Variants in LINGO2 observed in about 807,000 individuals in gnomAD.
The protein encoded by LINGO2 is leucine-rich repeat and immunoglobulin-like domain-containing nogo receptor-interacting protein 2.
A neutral mutation model predicts 30.6 loss-of-function variants in LINGO2; 14 were observed. That is an observed-to-expected ratio of 0.46 (90% CI 0.30 to 0.72). The LOEUF (loss-of-function observed/expected upper bound fraction) is 0.72, where lower values mean the gene tolerates loss of function less well. Among genes scored for constraint, LINGO2 ranks in the 30% least tolerant of loss-of-function variants. LINGO2 has a pLI of 0.07. For synonymous variants in LINGO2, 317 were observed against 288.5 expected, an observed-to-expected ratio of 1.10 and a Z score of -1.00; for missense variants, 729 against 751.7, an observed-to-expected ratio of 0.97 and a Z score of 0.35.
chr9:29,138,930 A>G, the LINGO2 span, among the ~76,000 whole-genome samples: 1 of 152,212 alleles, frequency 6.6e-6, no homozygotes, highest in Non-Finnish European at 1.5e-5. Context: ...TGGAAAGGAC[A>G]TGGTGACTTG....
chr9:28,087,133 G>A (rs1476012274), intron 4 of LINGO2, among the ~76,000 whole-genome samples: 2 of 152,048 alleles, frequency 1.3e-5, no homozygotes, highest in African/African-American at 2.4e-5. Context: ...CATGTAAGCT[G>A]AGGCCATCCC....
At chr9:29,062,035 C>T in the LINGO2 span, among the ~76,000 whole-genome samples, 1 of 151,982 alleles carries the variant, frequency 6.6e-6, no homozygotes, top group Non-Finnish European at 1.5e-5. Flanking sequence ...TTCTTCAAAA[C>T]AGATACGCAA....
intron 4 of LINGO2, among the ~76,000 whole-genome samples, chr9:28,218,291 T>TA (rs1820839276): frequency 6.6e-6 from 1 of 151,342 alleles, no homozygotes; most frequent in African/African-American, 2.4e-5. Context: ...ATTTTTTTTT[T>TA]AGTTATGGAA....
chr9:28,683,843 A>G, the LINGO2 span, among the ~76,000 whole-genome samples: 1 of 152,206 alleles, frequency 6.6e-6, no homozygotes, highest in Non-Finnish European at 1.5e-5. Flanking sequence ...CCTAGCACAT[A>G]GTAGATGCTC....
At chr9:28,354,881 TATC>T (rs1475555289) in intron 3 of LINGO2, among the ~76,000 whole-genome samples, 11 of 152,168 alleles carry the variant, frequency 7.2e-5, no homozygotes, top group Non-Finnish European at 4.4e-5. Flanking sequence ...AACCTAGTGA[TATC>T]ATATAAAAAA....
chr9:28,673,819 C>T (rs569042569), upstream of LINGO2, among the ~76,000 whole-genome samples: 8 of 152,042 alleles, frequency 5.3e-5, no homozygotes, highest in East Asian at 1.2e-3. Context: ...AGAAGCAATA[C>T]CCTCAATACT....
intron 1 of LINGO2, among the ~76,000 whole-genome samples, chr9:28,546,501 T>G (rs1821953705): frequency 6.6e-6 from 1 of 152,050 alleles, no homozygotes; most frequent in African/African-American, 2.4e-5. Context: ...GTAGTATTTT[T>G]CTCCTGAGTA....
the LINGO2 span, among the ~76,000 whole-genome samples, chr9:29,032,398 C>CT: frequency 6.6e-6 from 1 of 152,112 alleles, no homozygotes; most frequent in Non-Finnish European, 1.5e-5. Flanking sequence ...GCTCAGCAAT[C>CT]TTTTTGGAAA....
chr9:28,626,800 T>A (rs766915659), intron 1 of LINGO2, among the ~76,000 whole-genome samples: 1 of 151,014 alleles, frequency 6.6e-6, no homozygotes. Context: ...ACCTAGTAAA[T>A]GTTTTTTTCA....
chr9:29,188,319 G>C, the LINGO2 span, among the ~76,000 whole-genome samples: 1 of 151,752 alleles, frequency 6.6e-6, no homozygotes, highest in Admixed American at 6.6e-5. Flanking sequence ...ATGTTTCAGA[G>C]AGCACAGGGT....
chr9:29,063,607 C>A, the LINGO2 span, among the ~76,000 whole-genome samples: 7 of 151,890 alleles, frequency 4.6e-5, no homozygotes, highest in South Asian at 2.1e-4. Flanking sequence ...ACCATATTGG[C>A]CAGGCTGGTC....
chr9:28,671,807 CAACTAAG>C (rs929553903), upstream of LINGO2, among the ~76,000 whole-genome samples: 3 of 151,976 alleles, frequency 2.0e-5, no homozygotes, highest in African/African-American at 7.2e-5. Flanking sequence ...AAGTAGCACT[CAACTAAG>C]AAGTATAACT....
chr9:28,132,244 T>C (rs1191002808), intron 4 of LINGO2, among the ~76,000 whole-genome samples: 1 of 152,226 alleles, frequency 6.6e-6, no homozygotes, highest in African/African-American at 2.4e-5. Flanking sequence ...GTTTATTATA[T>C]TGGCTAAATT....
chr9:28,167,239 C>T (rs925739315), intron 4 of LINGO2, among the ~76,000 whole-genome samples: 12 of 150,820 alleles, frequency 8.0e-5, no homozygotes, highest in East Asian at 3.9e-4. Flanking sequence ...TTGTAAGATT[C>T]CCATGCTCTG....
At chr9:28,861,964 T>C in the LINGO2 span, among the ~76,000 whole-genome samples, 1 of 152,110 alleles carries the variant, frequency 6.6e-6, no homozygotes, top group Non-Finnish European at 1.5e-5. Flanking sequence ...AAACTAAAAA[T>C]TATCTTAAGA....
At chr9:27,945,018 T>C (rs1168777112), downstream of LINGO2, among the ~76,000 whole-genome samples, 3 of 152,274 alleles carry the variant, frequency 2.0e-5, no homozygotes, top group East Asian at 5.8e-4. Context: ...TCTTGATATA[T>C]CTTTATGTTT....
chr9:28,605,058 G>A (rs1825643401), intron 1 of LINGO2, among the ~76,000 whole-genome samples: 1 of 151,906 alleles, frequency 6.6e-6, no homozygotes, highest in South Asian at 2.1e-4. Context: ...CACTAAACTT[G>A]TACTCTACAG....
At chr9:28,679,310 T>A in the LINGO2 span, among the ~76,000 whole-genome samples, 1 of 152,094 alleles carries the variant, frequency 6.6e-6, no homozygotes, top group African/African-American at 2.4e-5. Context: ...TCCAAGAAAA[T>A]CTCAAAACTC....
At chr9:28,618,492 T>C (rs1826239391) in intron 1 of LINGO2, among the ~76,000 whole-genome samples, 1 of 152,142 alleles carries the variant, frequency 6.6e-6, no homozygotes, top group Non-Finnish European at 1.5e-5. Flanking sequence ...CAGAGTGTTA[T>C]TTTTTAATAT....
Sources: allele counts gnomAD v4.1 joint callset (sites outside exome capture counted in the v4.1 genomes callset), GRCh38; gene constraint gnomAD v4.1.1; transcripts MANE v1.5; gene names NCBI Gene and HGNC (gene_info 2026-07-23, HGNC 2026-07-21).